The following CSMD3 variants were observed in gnomAD, a reference collection of about 807,000 sequenced individuals.
CSMD3 encodes the protein CUB and sushi domain-containing protein 3.
A neutral mutation model predicts 435.2 loss-of-function variants in CSMD3; 177 were observed. The observed-to-expected ratio is 0.41, with a 90% CI of 0.36 to 0.46. The LOEUF (loss-of-function observed/expected upper bound fraction) is 0.46, where lower values mean the gene tolerates loss of function less well. Among genes scored for constraint, CSMD3 ranks in the 20% least tolerant of loss-of-function variants. The pLI, the probability that CSMD3 is intolerant of heterozygous loss-of-function variation, is 0.34. For missense variants in CSMD3, 4,265 were observed against 4,504.6 expected (o/e 0.95, Z 1.52); for synonymous variants, 1,656 against 1,520.5 (o/e 1.09, Z -2.07).
intron 30 of CSMD3, 75 bp from the exon 31 acceptor site, chr8:112,492,758 C>T (rs1190671801): frequency 8.4e-7 from 1 of 1,191,512 alleles, no homozygotes; most frequent in Non-Finnish European, 1.3e-6. Context: ...GGTTCTGCAT[C>T]TGTGGATTCA....
intron 1 of CSMD3, among the ~76,000 whole-genome samples, chr8:113,423,592 C>T (rs2094620027): frequency 6.6e-6 from 1 of 151,914 alleles, no homozygotes; most frequent in South Asian, 2.1e-4. Context: ...AAAAAGACCA[C>T]TTTCTTCTTT....
intron 1 of CSMD3, among the ~76,000 whole-genome samples, chr8:113,415,984 G>C (rs1588688925): frequency 6.6e-6 from 1 of 151,912 alleles, no homozygotes; most frequent in Admixed American, 6.6e-5. Context: ...ATGTATCCTA[G>C]AATAGCAGAT....
chr8:113,150,460 T>C (rs986505087), intron 4 of CSMD3, among the ~76,000 whole-genome samples: 2 of 151,926 alleles, frequency 1.3e-5, no homozygotes, highest in East Asian at 1.9e-4. Context: ...TCTTAAGCTA[T>C]AAGGAACCGA....
chr8:113,099,898 T>C (rs1232497114), intron 4 of CSMD3, among the ~76,000 whole-genome samples: 1 of 152,110 alleles, frequency 6.6e-6, no homozygotes, highest in Non-Finnish European at 1.5e-5. Context: ...TCTTATTACT[T>C]ATGTTATTGC....
intron 13 of CSMD3, among the ~76,000 whole-genome samples, chr8:112,732,916 A>G (rs1288728723): frequency 6.6e-6 from 1 of 152,112 alleles, no homozygotes; most frequent in Non-Finnish European, 1.5e-5. Context: ...TACCAAACTT[A>G]TATGTTACAA....
chr8:112,521,133 G>T (rs904260704), intron 27 of CSMD3, among the ~76,000 whole-genome samples: 9 of 151,950 alleles, frequency 5.9e-5, no homozygotes, highest in Admixed American at 3.3e-4. Context: ...ATTCTCAACA[G>T]CATGTAATTG....
intron 10 of CSMD3, among the ~76,000 whole-genome samples, chr8:112,905,275 C>A (rs2130479564): frequency 6.7e-6 from 1 of 149,736 alleles, no homozygotes; most frequent in Admixed American, 6.7e-5. Flanking sequence ...ATTTATTAGA[C>A]AAACAGATTT....
chr8:112,389,127 G>A (rs1008282013), intron 36 of CSMD3, among the ~76,000 whole-genome samples: 3 of 152,190 alleles, frequency 2.0e-5, no homozygotes, highest in African/African-American at 7.2e-5. Flanking sequence ...TCTTCACTAT[G>A]AGACTGGCTC....
chr8:113,028,395 A>G (rs911715105), intron 5 of CSMD3, among the ~76,000 whole-genome samples: 1 of 151,556 alleles, frequency 6.6e-6, no homozygotes, highest in African/African-American at 2.4e-5. Flanking sequence ...TAATAAATAT[A>G]CAATGGCCTC....
intron 63 of CSMD3, among the ~76,000 whole-genome samples, chr8:112,253,546 A>G: frequency 6.6e-6 from 1 of 152,098 alleles, no homozygotes; most frequent in East Asian, 1.9e-4. Flanking sequence ...ACCCGGCAAC[A>G]CAGGGCAATT....
intron 27 of CSMD3, among the ~76,000 whole-genome samples, chr8:112,520,401 A>C (rs914524391): frequency 6.6e-6 from 1 of 151,970 alleles, no homozygotes; most frequent in Non-Finnish European, 1.5e-5. Flanking sequence ...TGGAATTTGA[A>C]CTCAACCAGC....
Position 112,976,022 on chromosome 8 carries a change from G to T in CSMD3, c.1157C>A (p.Thr386Asn). ...CTGTTCCTCGGAAAGTCTATGGATG[G>T]TGACAGCTGTAACACTGGATACAGT... The part of the protein sequence containing the change: ...DVTVSSVTAV[T>N]IHRLSEEQRV... The change falls in exon 7 of 71, where the codon ACC (threonine) becomes AAC (asparagine). Residue 386 changes from threonine (T) to asparagine (N), a missense_variant. Physicochemically the swap from Thr to Asn is moderately conservative, Grantham distance 65. Around this residue, in one of 3 missense-constraint regions of CSMD3, gnomAD observed 731 missense variants for 755.4 expected, o/e 0.97. Transcript: ENST00000297405. The T allele has an allele frequency of 1.2e-6, 2 of 1,614,004 alleles. No homozygotes were observed. Among genetic ancestry groups the T allele is most frequent in the South Asian group, 2.2e-5 (2 of 91,080 alleles).
At position 113,348,677 on chromosome 8, in the gene CSMD3, T is replaced by A. The variant is rs1330999871; in HGVS notation, c.179-33884A>T. 3.2e-4 allele frequency among the ~76,000 whole-genome samples: 49 copies of A among 152,162 alleles called. 1 individual carries two copies. Among genetic ancestry groups the A allele is most frequent in the Non-Finnish European group, 2.9e-5 (2 of 68,006 alleles). On this transcript the variant is annotated intron_variant, in intron 1 of 70. Transcript: ENST00000297405. ...TTAAAAATGTTTTTAGTCCTCTGAA[T>A]ACAGAAGGTAAATGAACAGAAGGAA...
chr8:112,411,270 A>C (rs1244682016), intron 32 of CSMD3, among the ~76,000 whole-genome samples: 2 of 151,850 alleles, frequency 1.3e-5, no homozygotes, highest in Non-Finnish European at 2.9e-5. Flanking sequence ...TATCATATTA[A>C]GTATAGAAAA....
At chr8:112,360,608 C>T (rs117675712) in intron 38 of CSMD3, among the ~76,000 whole-genome samples, 159 of 151,828 alleles carry the variant, frequency 1.0e-3, no homozygotes, top group Middle Eastern at 3.4e-3. Context: ...TATGTCATTC[C>T]TTGTATTTTC....
chr8:112,232,729 C>G (rs1813211237), intron 68 of CSMD3, among the ~76,000 whole-genome samples: 1 of 152,160 alleles, frequency 6.6e-6, no homozygotes, highest in South Asian at 2.1e-4. Context: ...TGACTTGTAT[C>G]TACATTGAGC....
At chr8:112,448,248 C>T (rs1815845777) in intron 32 of CSMD3, among the ~76,000 whole-genome samples, 1 of 152,124 alleles carries the variant, frequency 6.6e-6, no homozygotes, top group Admixed American at 6.6e-5. Context: ...CATAAGAGCA[C>T]CAGTTCTATT....
chr8:112,935,904 T>C (rs2130736288), intron 9 of CSMD3, among the ~76,000 whole-genome samples: 1 of 152,220 alleles, frequency 6.6e-6, no homozygotes, highest in East Asian at 1.9e-4. Flanking sequence ...TTGAATGGTC[T>C]AAGTGAGAGA....
intron 38 of CSMD3, among the ~76,000 whole-genome samples, chr8:112,359,650 A>G (rs1028658890): frequency 3.3e-5 from 5 of 152,150 alleles, no homozygotes; most frequent in Non-Finnish European, 5.9e-5. Flanking sequence ...AATGCCATAA[A>G]AGCAGTGACT....
Sources: allele counts gnomAD v4.1 joint callset (sites outside exome capture counted in the v4.1 genomes callset), GRCh38; gene constraint gnomAD v4.1.1; regional missense constraint gnomAD v4.1.1; transcripts MANE v1.5; gene names NCBI Gene and HGNC (gene_info 2026-07-23, HGNC 2026-07-21).